Variants in RC3H2 observed in about 807,000 individuals in gnomAD.
RC3H2 encodes the protein ring finger and CCCH-type domains 2.
RC3H2 carries 31 observed loss-of-function variants against 133.3 expected under a neutral mutation model. That is an observed-to-expected ratio of 0.23 (90% confidence interval 0.17 to 0.31). RC3H2 has a LOEUF of 0.31. RC3H2 is among the 10% of genes least tolerant of loss of function. RC3H2 has a pLI of 1.00. For missense variants in RC3H2, 1,175 were observed against 1,437.2 expected (o/e 0.82, Z 2.95); for synonymous variants, 517 against 502.2 (o/e 1.03, Z -0.40).
At chr9:122,852,365 G>C (rs1411307228) in intron 18 of RC3H2, among the ~76,000 whole-genome samples, 1 of 151,614 alleles carries the variant, frequency 6.6e-6, no homozygotes, top group Admixed American at 6.6e-5. Context: ...GGGAAGTGAG[G>C]AGCGTCTCCG....
chr9:122,888,414 T>C (rs1298765564), intron 4 of RC3H2, among the ~76,000 whole-genome samples: 4 of 152,122 alleles, frequency 2.6e-5, no homozygotes, highest in Non-Finnish European at 4.4e-5. Flanking sequence ...CAAGATAGAG[T>C]TGGCAAAGTC....
chr9:122,874,581 A>C (rs1443827612), intron 9 of RC3H2: 1 of 152,064 alleles, frequency 6.6e-6, no homozygotes, highest in Non-Finnish European at 1.5e-5. Context: ...ACAGTGGTAT[A>C]ATCTCAGTTC....
chr9:122,861,175 G>C (rs1485499443), intron 10 of RC3H2, among the ~76,000 whole-genome samples: 1 of 152,044 alleles, frequency 6.6e-6, no homozygotes, highest in Non-Finnish European at 1.5e-5. Flanking sequence ...AGGATCTTAT[G>C]GCTTTCTTAA....
In RC3H2 at chr9:122,860,112, T is replaced by C. The variant is rs1269446253; in HGVS notation, c.1654A>G (p.Lys552Glu). Residue 552 changes from lysine (K) to glutamate (E), a missense_variant, in exon 11 of 21, where the codon AAG (lysine) becomes GAG (glutamate). By Grantham distance (56) the Lys-to-Glu change is moderately conservative. This residue lies in a region of RC3H2 where 490 missense variants were observed against 492.8 expected (regional missense o/e 0.99). Coordinates refer to ENST00000357244, the MANE Select transcript of RC3H2 (RefSeq NM_001100588.3). Reference sequence around the variant, plus strand: ...GCTGCTACATTACTTACAGGAGTCTTGGGTGGAGAACCAATTTTACTGGAG... The same window carrying C: ...GCTGCTACATTACTTACAGGAGTCTCGGGTGGAGAACCAATTTTACTGGAG... ...VTENKIGSPP[K>E]TPVSNVAATS... 6.2e-7 allele frequency: 1 copy of C among 1,614,050 alleles called. No individual in the cohort carries two copies. Among genetic ancestry groups the C allele is most frequent in the Non-Finnish European group, 8.5e-7 (1 of 1,179,932 alleles).
intron 18 of RC3H2, among the ~76,000 whole-genome samples, chr9:122,852,788 C>T (rs1221703704): frequency 6.6e-6 from 1 of 151,820 alleles, no homozygotes; most frequent in Non-Finnish European, 1.5e-5. Flanking sequence ...TGGCCAGCCG[C>T]CCCATCCGGG....
chr9:122,883,492 A>G (rs1831741772), intron 4 of RC3H2, 113 bp from the exon 5 acceptor site: 2 of 672,862 alleles, frequency 3.0e-6, no homozygotes, highest in Non-Finnish European at 4.7e-6. Flanking sequence ...CCCATAATTT[A>G]TATTTAATTA....
chr9:122,877,664 T>C (rs1408794063), intron 8 of RC3H2, 81 bp from the exon 9 acceptor site: 1 of 961,802 alleles, frequency 1.0e-6, no homozygotes, highest in Admixed American at 2.0e-5. Flanking sequence ...CAGAACTTTA[T>C]AATTACACCT....
chr9:122,877,417 T>G, intron 9 of RC3H2, 54 bp downstream of exon 9: 3 of 1,382,584 alleles, frequency 2.2e-6, no homozygotes, highest in Non-Finnish European at 2.1e-6. Flanking sequence ...GTATATAACA[T>G]TCCCATAAAA....
chr9:122,882,201 G>C (rs1191522322), intron 5 of RC3H2, among the ~76,000 whole-genome samples: 1 of 152,178 alleles, frequency 6.6e-6, no homozygotes, highest in Non-Finnish European at 1.5e-5. Context: ...ACATTCAAAA[G>C]ATACAGAGTT....
chr9:122,863,044 T>A (rs1286108406), intron 10 of RC3H2, among the ~76,000 whole-genome samples: 1 of 152,146 alleles, frequency 6.6e-6, no homozygotes, highest in African/African-American at 2.4e-5. Context: ...ATTTTCATCA[T>A]CCCCAAGAGA....
At chr9:122,888,419 A>G (rs1342246749) in intron 4 of RC3H2, among the ~76,000 whole-genome samples, 2 of 152,238 alleles carry the variant, frequency 1.3e-5, no homozygotes, top group Non-Finnish European at 2.9e-5. Flanking sequence ...TAGAGTTGGC[A>G]AAGTCTAGCT....
At chr9:122,895,766 T>C (rs1357248569) in intron 2 of RC3H2, among the ~76,000 whole-genome samples, 3 of 152,220 alleles carry the variant, frequency 2.0e-5, no homozygotes, top group Non-Finnish European at 4.4e-5. Flanking sequence ...GGCTTTAATA[T>C]GTAGCACATG....
Position 122,892,915 on chromosome 9 carries a change from C to T in RC3H2, c.343G>A (p.Gly115Ser), listed in dbSNP as rs1040349085. The part of the protein sequence containing the change: ...LALYLKPLSG[G>S]KGVASLNQSA... Reference sequence around the variant, plus strand: ...ATGCATTTTATGAACTTACCTTTACCTCCACTTAGTGGTTTTAAGTAGAGT... The same window carrying T: ...ATGCATTTTATGAACTTACCTTTACTTCCACTTAGTGGTTTTAAGTAGAGT... Residue 115 changes from glycine (G) to serine (S), a missense_variant, in exon 3 of 21, where the codon GGT (glycine) becomes AGT (serine). This residue lies in a region of RC3H2 where 121 missense variants were observed against 243.5 expected (regional missense o/e 0.50). Transcript: ENST00000357244. The T allele has an allele frequency of 2.5e-6, 4 of 1,612,078 alleles. No individual in the cohort carries two copies. In the African/African-American group the frequency reaches 5.4e-5, roughly 22 times the overall value.
intron 4 of RC3H2, 85 bp from the exon 5 acceptor site, chr9:122,883,464 G>T: frequency 1.0e-6 from 1 of 982,168 alleles, no homozygotes; most frequent in Non-Finnish European, 1.5e-6. Flanking sequence ...GGGTATTAGA[G>T]TTTATAGTGG....
chr9:122,893,115 A>C, intron 2 of RC3H2, 89 bp from the exon 3 acceptor site: 1 of 1,487,162 alleles, frequency 6.7e-7, no homozygotes. Context: ...AATCTTGGTG[A>C]GTATAAAATT....
chr9:122,855,631 G>A, intron 14 of RC3H2, 101 bp downstream of exon 14: 1 of 1,334,604 alleles, frequency 7.5e-7, no homozygotes, highest in South Asian at 1.5e-5. Context: ...GAGTTATAAG[G>A]CAACAATATG....
Position 122,883,317 on chromosome 9 carries a change from T to C in RC3H2, c.646A>G (p.Arg216Gly). ...LALEDGSALSRKVLVLFVVQR... is the reference protein window; with the variant it reads ...LALEDGSALSGKVLVLFVVQR... ...ACAACAAAAAGTACCAGAACTTTCC[T>C]TGAGAGGGCAGAACCATCTTCTAAT... Residue 216 changes from arginine (R) to glycine (G), a missense_variant, in exon 5 of 21, where the codon AGG (arginine) becomes GGG (glycine). Arg to Gly is a moderately radical substitution (Grantham distance 125). Around this residue, in one of 8 missense-constraint regions of RC3H2, gnomAD observed 121 missense variants for 243.5 expected, o/e 0.50. Transcript: ENST00000357244. 6.2e-7 allele frequency: 1 copy of C among 1,613,840 alleles called. No homozygotes were observed. Among genetic ancestry groups the C allele is most frequent in the Non-Finnish European group, 8.5e-7 (1 of 1,179,894 alleles).
chr9:122,858,646 A>G (rs374765186), intron 12 of RC3H2, 23 bp downstream of exon 12: 2 of 1,590,910 alleles, frequency 1.3e-6, no homozygotes, highest in Admixed American at 1.7e-5. Flanking sequence ...TAATGACTAC[A>G]TTATAGTAGC....
intron 9 of RC3H2, among the ~76,000 whole-genome samples, chr9:122,868,868 TG>T (rs1830903410): frequency 1.5e-5 from 1 of 66,608 alleles, no homozygotes; most frequent in Admixed American, 1.7e-4. Flanking sequence ...TGTGTGTGTG[TG>T]TGTGTGTGTG....
Sources: gnomAD v4.1 joint callset for allele counts (sites outside exome capture counted in the v4.1 genomes callset) on GRCh38, gnomAD v4.1.1 for gene constraint, gnomAD v4.1.1 regional missense constraint, MANE v1.5 for transcripts, NCBI Gene and HGNC (gene_info 2026-07-23, HGNC 2026-07-21) for gene names.